The following PDE4D variants were observed in gnomAD, a reference collection of about 807,000 sequenced individuals.
PDE4D encodes phosphodiesterase 4D.
PDE4D carries 24 observed loss-of-function variants against 87.4 expected under a neutral mutation model. The observed-to-expected ratio is 0.27, with a 90% confidence interval of 0.20 to 0.39. The LOEUF (loss-of-function observed/expected upper bound fraction) is 0.39, where lower values mean the gene tolerates loss of function less well. Ranked by LOEUF, PDE4D falls within the 10% of genes least tolerant of loss-of-function variation. The pLI, the probability that PDE4D is intolerant of heterozygous loss-of-function variation, is 1.00. For synonymous variants in PDE4D, 384 were observed against 383.2 expected (o/e 1.00, Z -0.02); for missense variants, 714 against 1,041.0 (o/e 0.69, Z 4.32).
intron 1 of PDE4D, among the ~76,000 whole-genome samples, chr5:59,702,485 GA>G (rs2150460009): frequency 6.6e-6 from 1 of 152,116 alleles, no homozygotes; most frequent in African/African-American, 2.4e-5. Flanking sequence ...AAAATTAAAG[GA>G]AAGAGTTCAG....
intron 1 of PDE4D, among the ~76,000 whole-genome samples, chr5:59,623,997 G>A (rs559117680): frequency 7.4e-5 from 11 of 149,424 alleles, no homozygotes; most frequent in African/African-American, 2.8e-4. Flanking sequence ...ATATTATTTG[G>A]CCTTACTATT....
At chr5:60,468,137 C>CTTTTTTTTTTTTTTTTTTTTTT (rs570783072) in intron 1 of PDE4D, among the ~76,000 whole-genome samples, 2 of 141,218 alleles carry the variant, frequency 1.4e-5, no homozygotes, top group Non-Finnish European at 3.0e-5. Flanking sequence ...TTTCTTTTTT[C>CTTTTTTTTTTTTTTTTTTTTTT]TTTTTTTTTT....
At chr5:59,468,175 T>G (rs1268793549) in intron 1 of PDE4D, among the ~76,000 whole-genome samples, 1 of 152,094 alleles carries the variant, frequency 6.6e-6, no homozygotes. Flanking sequence ...ATGAACACTG[T>G]CTGTAATTTT....
intron 2 of PDE4D, among the ~76,000 whole-genome samples, chr5:60,035,286 T>C (rs1767675035): frequency 6.6e-6 from 1 of 151,370 alleles, no homozygotes; most frequent in Admixed American, 6.6e-5. Flanking sequence ...TACTTGTGTA[T>C]ACTGATTAAA....
At chr5:60,501,469 A>C (rs999878141) in intron 1 of PDE4D, among the ~76,000 whole-genome samples, 4 of 151,638 alleles carry the variant, frequency 2.6e-5, no homozygotes, top group African/African-American at 9.7e-5. Flanking sequence ...ATACGTGTGC[A>C]TGTGTCTTTA....
At chr5:59,255,691 T>C (rs1275183218) in intron 1 of PDE4D, among the ~76,000 whole-genome samples, 1 of 151,972 alleles carries the variant, frequency 6.6e-6, no homozygotes, top group African/African-American at 2.4e-5. Flanking sequence ...GAACAATGAA[T>C]GTGCAGATTA....
chr5:58,991,916 C>T lies in PDE4D; in HGVS notation c.1104G>A (p.Lys368=), dbSNP rs770694049. The part of the protein sequence containing the change: ...KRPMSQISGV[K]KLMHSSSLTN... The stretch of plus-strand genomic sequence containing the variant: ...TCAGACTAGAGCTGTGCATCAATTT[C>T]TTGACTCCACTGATCTGAGACATTG... Residue 368 remains lysine (K), a synonymous_variant, in exon 8 of 15, where the codon AAG becomes AAA. Coordinates refer to ENST00000340635, the MANE Select transcript of PDE4D (RefSeq NM_001104631.2). 2 of 1,606,792 alleles carry T rather than the reference C, an allele frequency of 1.2e-6. No homozygotes were observed. The highest frequency in any genetic ancestry group is 1.7e-6 in the Non-Finnish European group (2 of 1,176,250).
intron 1 of PDE4D, among the ~76,000 whole-genome samples, chr5:60,335,688 T>TG (rs1487668301): frequency 3.3e-5 from 5 of 152,164 alleles, no homozygotes; most frequent in African/African-American, 1.2e-4. Context: ...CCTAGGGATG[T>TG]GGCCTTGAGC....
At chr5:59,340,692 C>T (rs141069457) in intron 1 of PDE4D, among the ~76,000 whole-genome samples, 1 of 152,152 alleles carries the variant, frequency 6.6e-6, no homozygotes, top group Non-Finnish European at 1.5e-5. Flanking sequence ...ACTCACTACC[C>T]TTCCTAGGTT....
At chr5:59,594,922 A>T (rs996780656) in intron 1 of PDE4D, among the ~76,000 whole-genome samples, 9 of 152,134 alleles carry the variant, frequency 5.9e-5, no homozygotes, top group Non-Finnish European at 8.8e-5. Flanking sequence ...TGTAAAAAAA[A>T]ATGTACCACT....
intron 1 of PDE4D, among the ~76,000 whole-genome samples, chr5:60,290,404 C>A (rs893720557): frequency 6.6e-6 from 1 of 151,898 alleles, no homozygotes; most frequent in African/African-American, 2.4e-5. Context: ...ACTGACACAT[C>A]TAATAAGAAA....
chr5:60,163,955 C>T (rs1472733272), intron 2 of PDE4D, among the ~76,000 whole-genome samples: 1 of 152,132 alleles, frequency 6.6e-6, no homozygotes, highest in Non-Finnish European at 1.5e-5. Flanking sequence ...AGCATTCTAG[C>T]AGAAACCATC....
At chr5:59,109,723 C>T (rs951827391) in intron 5 of PDE4D, among the ~76,000 whole-genome samples, 1 of 152,122 alleles carries the variant, frequency 6.6e-6, no homozygotes, top group Non-Finnish European at 1.5e-5. Context: ...AAGTATCCCC[C>T]TTAGAGTCCA....
At chr5:59,862,415 T>C (rs1367685667) in intron 1 of PDE4D, among the ~76,000 whole-genome samples, 2 of 152,198 alleles carry the variant, frequency 1.3e-5, no homozygotes, top group South Asian at 4.1e-4. Flanking sequence ...ACCTCTAAGA[T>C]ACATATGTAC....
intron 1 of PDE4D, among the ~76,000 whole-genome samples, chr5:60,284,664 T>C (rs1392090111): frequency 6.6e-6 from 1 of 152,162 alleles, no homozygotes; most frequent in East Asian, 1.9e-4. Context: ...GATACTCAAA[T>C]AGTGAGAATC....
intron 1 of PDE4D, among the ~76,000 whole-genome samples, chr5:59,217,674 C>G (rs1201329250): frequency 6.6e-6 from 1 of 152,158 alleles, no homozygotes; most frequent in East Asian, 1.9e-4. Flanking sequence ...GTTAATTGAC[C>G]AGTCACTGAG....
intron 1 of PDE4D, among the ~76,000 whole-genome samples, chr5:59,762,680 GTGTATATA>G (rs1198702377): frequency 6.8e-6 from 1 of 148,130 alleles, no homozygotes; most frequent in African/African-American, 2.5e-5. Context: ...ATGTGTATAT[GTGTATATA>G]GGTTCATATA....
At chr5:59,853,070 T>C (rs1744916795) in intron 1 of PDE4D, among the ~76,000 whole-genome samples, 1 of 152,020 alleles carries the variant, frequency 6.6e-6, no homozygotes, top group Admixed American at 6.6e-5. Context: ...ATATGTCTTG[T>C]ACAAAAACAG....
intron 3 of PDE4D, among the ~76,000 whole-genome samples, chr5:59,900,261 T>TAC (rs1475904605): frequency 1.5e-5 from 2 of 132,850 alleles, no homozygotes; most frequent in Middle Eastern, 3.6e-3. Flanking sequence ...TATATATATA[T>TAC]ATACACACAC....
Sources: gnomAD v4.1 joint callset for allele counts (sites outside exome capture counted in the v4.1 genomes callset) on GRCh38, gnomAD v4.1.1 for gene constraint, MANE v1.5 for transcripts, NCBI Gene and HGNC (gene_info 2026-07-23, HGNC 2026-07-21) for gene names.